The following ZFC3H1 variants were observed in gnomAD, a reference collection of about 807,000 sequenced individuals.
The protein encoded by ZFC3H1 is zinc finger C3H1-type containing, also known as zinc finger C3H1 domain-containing protein.
Under a neutral mutation model 243.7 loss-of-function variants are expected in ZFC3H1, and 71 were observed. The ratio of observed to expected loss-of-function variants is 0.29; its 90% confidence interval spans 0.24 to 0.36. ZFC3H1 has a LOEUF of 0.36. Ranked by LOEUF, ZFC3H1 falls within the 10% of genes least tolerant of loss-of-function variation. The probability of loss-of-function intolerance (pLI) is 1.00; values close to 1 mark genes in which losing one functional copy is unlikely to be tolerated. For synonymous variants in ZFC3H1, 838 were observed against 813.0 expected (o/e 1.03, Z -0.52); for missense variants, 1,966 against 2,317.1 (o/e 0.85, Z 3.11).
intron 27 of ZFC3H1, among the ~76,000 whole-genome samples, chr12:71,618,059 G>A (rs1879932234): frequency 6.6e-6 from 1 of 152,150 alleles, no homozygotes. Context: ...GAGCTCAGGA[G>A]TTCGAGACCA....
intron 7 of ZFC3H1, 114 bp downstream of exon 7, chr12:71,638,304 C>A (rs371957528): frequency 1.0e-6 from 1 of 1,000,440 alleles, no homozygotes; most frequent in Non-Finnish European, 1.5e-6. Context: ...GCTATTAATT[C>A]TTGGTAAGCA....
intron 2 of ZFC3H1, among the ~76,000 whole-genome samples, chr12:71,649,082 C>T (rs1460658725): frequency 7.7e-6 from 1 of 129,572 alleles, no homozygotes; most frequent in Non-Finnish European, 1.6e-5. Flanking sequence ...CAGAGCAAGA[C>T]TCTTGTCTCA....
In ZFC3H1 at chr12:71,657,159, T is replaced by C. The variant is rs75772197; in HGVS notation, c.741A>G (p.Lys247=). Residue 247 remains lysine (K), a synonymous_variant, in exon 2 of 35, where the codon AAA becomes AAG. Transcript: ENST00000378743. ...LELECINKDE[K]LALSSKEENV... is the part of the protein sequence containing the mutation. Reference sequence around the variant, plus strand: ...TCTCTTCTTTGCTACTCAATGCTAGTTTTTCATCCTTATTGATGCATTCTA... The same window carrying C: ...TCTCTTCTTTGCTACTCAATGCTAGCTTTTCATCCTTATTGATGCATTCTA... The C allele has an allele frequency of 1.3e-4, 217 of 1,613,954 alleles. No homozygotes were observed. Among genetic ancestry groups the C allele is most frequent in the Admixed American group, 2.3e-4 (14 of 60,020 alleles).
chr12:71,632,278 T>C lies in ZFC3H1; in HGVS notation c.3054A>G (p.Thr1018=), dbSNP rs1260570737. 5 of 1,613,774 alleles carry C rather than the reference T, an allele frequency of 3.1e-6. No individual in the cohort carries two copies. The highest frequency in any genetic ancestry group is 4.2e-6 in the Non-Finnish European group (5 of 1,179,876). Residue 1018 remains threonine, a synonymous_variant, in exon 15 of 35, where the codon ACA becomes ACG. Coordinates refer to ENST00000378743, the MANE Select transcript of ZFC3H1 (RefSeq NM_144982.5). ...SLPQPSLHDL[T]QDKLTLDTEE... ...CAGTGTCCAGGGTTAATTTATCTTG[T>C]GTCAGATCATGAAGTGAGGGTTGAG...
chr12:71,663,623 G>C lies in ZFC3H1; in HGVS notation c.-13C>G, dbSNP rs374674166. The C allele has an allele frequency of 1.2e-5, 19 of 1,603,998 alleles. No homozygotes were observed. The African/African-American group carries it at 2.5e-4, about 21-fold the overall frequency. ...CTGCGGTCGCCATCCGGGGAGCAGCGCCTTCCACACAACCTTAGCCCTCCG... is the reference window on the plus strand; with the variant it reads ...CTGCGGTCGCCATCCGGGGAGCAGCCCCTTCCACACAACCTTAGCCCTCCG... On this transcript the variant is annotated 5_prime_UTR_variant, in exon 1 of 35. Transcript: ENST00000378743.
At chr12:71,626,584 G>A (rs1361124987) in intron 21 of ZFC3H1, 138 bp from the exon 22 acceptor site, 2 of 758,840 alleles carry the variant, frequency 2.6e-6, no homozygotes, top group Admixed American at 3.2e-5. Context: ...TTATGAAAAG[G>A]GGTACTAGAT....
At chr12:71,647,673 C>T in intron 3 of ZFC3H1, 76 bp downstream of exon 3, 1 of 761,014 alleles carries the variant, frequency 1.3e-6, no homozygotes, top group Non-Finnish European at 2.1e-6. Context: ...GATAGACTTC[C>T]CTTACAAAAG....
rs865886358 is a variant in ZFC3H1 at position 71,630,464 on chromosome 12, G to A, written c.3724+136C>T. On this transcript the variant is annotated intron_variant, in intron 18 of 34. Transcript: ENST00000378743. ...TTTTACCGTAATTATACTGGATACA[G>A]CAAATCTAGATAAAGTATTATGGGT... 8.2e-6 allele frequency: 10 copies of A among 1,225,464 alleles called. No homozygotes were observed. The Middle Eastern group carries it at 1.2e-3, about 142-fold the overall frequency. 75.9% of individuals were successfully genotyped at this position (1,225,464 alleles called of 1,614,324 possible).
In ZFC3H1 at chr12:71,633,021, A is replaced by C. The variant is rs1233539581; in HGVS notation, c.2686-4T>G. ...CACGCTGTTGAACTCTGTGAATCTG[A>C]AAAATATAGAATAATCCTGAAAATG... On this transcript the variant is annotated splice_region_variant and splice_polypyrimidine_tract_variant and intron_variant, in intron 13 of 34. Coordinates refer to ENST00000378743, the MANE Select transcript of ZFC3H1 (RefSeq NM_144982.5). 3 of 1,591,266 alleles carry C rather than the reference A, an allele frequency of 1.9e-6. No homozygotes were observed. The highest frequency in any genetic ancestry group is 2.6e-6 in the Non-Finnish European group (3 of 1,173,826).
intron 16 of ZFC3H1, among the ~76,000 whole-genome samples, 163 bp from the exon 17 acceptor site, chr12:71,631,117 A>G (rs942145322): frequency 1.3e-5 from 2 of 152,164 alleles, no homozygotes; most frequent in African/African-American, 4.8e-5. Flanking sequence ...GAAAAGACCT[A>G]GAATATCAAG....
intron 1 of ZFC3H1, among the ~76,000 whole-genome samples, chr12:71,660,763 A>G (rs1470799565): frequency 6.6e-6 from 1 of 152,086 alleles, no homozygotes; most frequent in Non-Finnish European, 1.5e-5. Context: ...ACTAAACTGC[A>G]ACTACTTATT....
At chr12:71,629,573 A>ACACACT in intron 19 of ZFC3H1, 36 bp downstream of exon 19, 1 of 1,264,874 alleles carries the variant, frequency 7.9e-7, no homozygotes. Flanking sequence ...ACACACACAC[A>ACACACT]CACACACACA....
intron 3 of ZFC3H1, among the ~76,000 whole-genome samples, chr12:71,647,205 T>TG (rs770905735): frequency 1.3e-5 from 2 of 152,236 alleles, no homozygotes; most frequent in Non-Finnish European, 2.9e-5. Context: ...TGAAAAGGCT[T>TG]GGGTTATTGA....
intron 26 of ZFC3H1, 117 bp downstream of exon 26, chr12:71,619,809 G>A: frequency 4.5e-6 from 4 of 894,278 alleles, no homozygotes; most frequent in Non-Finnish European, 6.8e-6. Context: ...AAAGAGAGAA[G>A]GAACACCTAA....
At chr12:71,655,826 G>T (rs992201328) in intron 2 of ZFC3H1, among the ~76,000 whole-genome samples, 3 of 152,042 alleles carry the variant, frequency 2.0e-5, no homozygotes, top group African/African-American at 4.8e-5. Flanking sequence ...AAAGAGGGGG[G>T]GGAAATTACA....
intron 2 of ZFC3H1, among the ~76,000 whole-genome samples, chr12:71,649,831 G>A (rs868172731): frequency 1.3e-5 from 2 of 152,154 alleles, no homozygotes; most frequent in Middle Eastern, 3.2e-3. Flanking sequence ...TCCCTTTAAC[G>A]TAGCATAGAG....
At chr12:71,654,948 C>T (rs180919874) in intron 2 of ZFC3H1, among the ~76,000 whole-genome samples, 268 of 152,196 alleles carry the variant, frequency 1.8e-3, no homozygotes, top group African/African-American at 5.7e-3. Flanking sequence ...AAAGTCACTA[C>T]ATAATGACTC....
In ZFC3H1 at chr12:71,663,267, G is replaced by A. The variant is rs1335128176; in HGVS notation, c.344C>T (p.Pro115Leu). The A allele has an allele frequency of 6.2e-7, 1 of 1,613,668 alleles. No homozygotes were observed. Among genetic ancestry groups the A allele is most frequent in the Non-Finnish European group, 8.5e-7 (1 of 1,180,048 alleles). The change falls in exon 1 of 35, where the codon CCT (proline) becomes CTT (leucine). Residue 115 changes from proline (P) to leucine (L), a missense_variant. Physicochemically the swap from Pro to Leu is moderately conservative, Grantham distance 98. Coordinates refer to ENST00000378743, the MANE Select transcript of ZFC3H1 (RefSeq NM_144982.5). The part of the protein sequence containing the change: ...RPKEPFRSHP[P>L]SVRMPSSSLS... ...TGAGCTCGAAGGCATCCGTACAGAAGGCGGATGAGACCGGAACGGTTCTTT... is the reference window on the plus strand; with the variant it reads ...TGAGCTCGAAGGCATCCGTACAGAAAGCGGATGAGACCGGAACGGTTCTTT...
rs1287396283 is a variant in ZFC3H1, at chr12:71,619,307, C to T, written c.5144+8G>A. Reference sequence around the variant, plus strand: ...ATTCCTCTACAAACTAAGAATTCTACAACTTACCGAAACAGATCCAAGTTA... The same window carrying T: ...ATTCCTCTACAAACTAAGAATTCTATAACTTACCGAAACAGATCCAAGTTA... On this transcript the variant is annotated splice_region_variant and intron_variant, in intron 27 of 34. Transcript: ENST00000378743. The T allele has an allele frequency of 6.2e-7, 1 of 1,612,052 alleles. No homozygotes were observed. Among genetic ancestry groups the T allele is most frequent in the Non-Finnish European group, 8.5e-7 (1 of 1,178,786 alleles).
Sources: allele counts gnomAD v4.1 joint callset (sites outside exome capture counted in the v4.1 genomes callset), GRCh38; gene constraint gnomAD v4.1.1; transcripts MANE v1.5; gene names NCBI Gene and HGNC (gene_info 2026-07-23, HGNC 2026-07-21).